Variants in DOK1 observed in about 807,000 individuals in gnomAD.
DOK1 encodes the protein docking protein 1.
Under a neutral mutation model 24.0 loss-of-function variants are expected in DOK1, and 12 were observed. The ratio of observed to expected loss-of-function variants is 0.50; its 90% CI spans 0.32 to 0.81. The LOEUF (loss-of-function observed/expected upper bound fraction) is 0.81. Among genes scored for constraint, DOK1 ranks in the 30% least tolerant of loss-of-function variants. DOK1 has a pLI of 0.03. For missense variants in DOK1, 591 were observed against 620.7 expected, an observed-to-expected ratio of 0.95 and a Z score of 0.51; for synonymous variants, 250 against 260.9, an observed-to-expected ratio of 0.96 and a Z score of 0.40.
In DOK1 at chr2:74,556,809, C is replaced by A. The variant is rs570246122; in HGVS notation, c.1141C>A (p.Arg381=). 1.9e-6 allele frequency: 3 copies of A among 1,614,146 alleles called. No individual in the cohort carries two copies. Among genetic ancestry groups the A allele is most frequent in the Non-Finnish European group, 2.5e-6 (3 of 1,180,030 alleles). The part of the protein sequence containing the change: ...VPPQGLYDLP[R]EPKDAWWCQA... ...TCCCCAGGGCCTTTATGATCTGCCT[C>A]GGGAGCCCAAGGATGCATGGTGGTG... Residue 381 remains arginine (R), a synonymous_variant, in exon 5 of 5, where the codon CGG becomes AGG. Transcript: ENST00000233668. The surrounding 1 kb of genome is among the most constrained non-coding windows in gnomAD (Gnocchi z 4.1).
Position 74,549,661 on chromosome 2 carries a change from T to C in DOK1, c.-358+489T>C. ...TCCCGCCGCCCTTAAGGAACCCTGC[T>C]TGGTGTGCCTGCTGTAAACCCAGTG... is the stretch of plus-strand genomic sequence containing the variant. On this transcript the variant is annotated intron_variant, in intron 1 of 4. Coordinates refer to the DOK1 transcript ENST00000409429. The surrounding 1 kb of genome is among the most constrained non-coding windows in gnomAD (Gnocchi z 5.3). 1.3e-6 allele frequency: 2 copies of C among 1,496,402 alleles called. No homozygotes were observed. The highest frequency in any genetic ancestry group is 9.0e-7 in the Non-Finnish European group (1 of 1,115,586). The allele number at this position is 1,496,402 out of a possible 1,614,324, so 92.7% of individuals were successfully genotyped here.
Position 74,555,867 on chromosome 2 carries a change from AGCT to A in DOK1, c.455-25_455-23del. The A allele has an allele frequency of 6.3e-7, 1 of 1,590,742 alleles. No homozygotes were observed. Among genetic ancestry groups the A allele is most frequent in the Non-Finnish European group, 8.6e-7 (1 of 1,166,962 alleles). ...ACTGCTGCCCCCGTCCCTCCCCCGCAGCTGTCTAATCGTGTATGCCTTCCAGGA... is the reference window on the plus strand; with the variant it reads ...ACTGCTGCCCCCGTCCCTCCCCCGCAGTCTAATCGTGTATGCCTTCCAGGA... On this transcript the variant is annotated intron_variant, in intron 3 of 4. Transcript: ENST00000233668. This position sits in a 1 kb window ranked among gnomAD's most constrained non-coding sequence, Gnocchi z 6.1.
In DOK1 at chr2:74,555,416, C is replaced by T. The variant is rs746582326; in HGVS notation, c.323C>T (p.Ala108Val). The change falls in exon 2 of 5, where the codon GCA (alanine) becomes GTA (valine). Residue 108 changes from alanine (A) to valine (V), a missense_variant. Physicochemically the swap from Ala to Val is moderately conservative, Grantham distance 64 (BLOSUM62 0). Coordinates refer to ENST00000233668, the MANE Select transcript of DOK1 (RefSeq NM_001381.5). This position sits in a 1 kb window ranked among gnomAD's most constrained non-coding sequence, Gnocchi z 6.1. ...HLLAADAPSS[A>V]AWVQTLCRNA... ...CTGGCGGCCGACGCGCCGTCCAGTGCAGCCTGGGTGCAGACGCTGTGCCGA... is the reference window on the plus strand; with the variant it reads ...CTGGCGGCCGACGCGCCGTCCAGTGTAGCCTGGGTGCAGACGCTGTGCCGA... 6.2e-7 allele frequency: 1 copy of T among 1,611,134 alleles called. No homozygotes were observed. The highest frequency in any genetic ancestry group is 1.3e-5 in the African/African-American group (1 of 75,038).
Position 74,557,216 on chromosome 2 carries a change from GC to G in DOK1, c.*104del. 8.1e-7 allele frequency: 1 copy of G among 1,237,700 alleles called. No homozygotes were observed. The highest frequency in any genetic ancestry group is 1.1e-6 in the Non-Finnish European group (1 of 900,884). The allele number at this position is 1,237,700 out of a possible 1,614,324, so 76.7% of individuals were successfully genotyped here. A position where few individuals can be genotyped will look rare whatever the true frequency, so the allele number is the denominator to read the frequency against. On this transcript the variant is annotated 3_prime_UTR_variant, in exon 5 of 5. Coordinates refer to ENST00000233668, the MANE Select transcript of DOK1 (RefSeq NM_001381.5). ...CAGCAGAAGCCAGAGGGTGGGAGGGGCCATGCTGTGTGAGACCAGGGGACCA... is the reference window on the plus strand; with the variant it reads ...CAGCAGAAGCCAGAGGGTGGGAGGGGCATGCTGTGTGAGACCAGGGGACCA...
upstream of DOK1, chr2:74,554,263 A>C (rs1677222350): frequency 6.4e-6 from 1 of 155,622 alleles, no homozygotes; most frequent in African/African-American, 2.4e-5. The surrounding 1 kb of genome is among the most constrained non-coding windows in gnomAD (Gnocchi z 4.9). Context: ...TGGTGGCGGG[A>C]AGCGGTTCAA....
Position 74,549,385 on chromosome 2 carries a change from T to C in DOK1, c.-358+213T>C, listed in dbSNP as rs1447301456. ...GCCCCTCACCTGTAGAAGGCCGCGT[T>C]GACCCTCTTTTCGCTGGGGAAGCCC... On this transcript the variant is annotated intron_variant, in intron 1 of 4. Transcript: ENST00000409429. This position sits in a 1 kb window ranked among gnomAD's most constrained non-coding sequence, Gnocchi z 5.3. 1 of 1,608,388 alleles carries C rather than the reference T, an allele frequency of 6.2e-7. No individual in the cohort carries two copies. Among genetic ancestry groups the C allele is most frequent in the South Asian group, 1.1e-5 (1 of 90,178 alleles).
chr2:74,554,861 T>G lies in DOK1; in HGVS notation c.60+47T>G. ...GAACCTTATCCGGGCTAGTAGTGGG[T>G]GAGAGAGCCCAGAAACAGGGAGAGG... On this transcript the variant is annotated intron_variant, in intron 1 of 4. Transcript: ENST00000233668. The surrounding 1 kb of genome is among the most constrained non-coding windows in gnomAD (Gnocchi z 4.9). 1.2e-6 allele frequency: 2 copies of G among 1,609,480 alleles called. No homozygotes were observed. The highest frequency in any genetic ancestry group is 1.3e-5 in the African/African-American group (1 of 74,868).
chr2:74,554,883 G>A lies in DOK1; in HGVS notation c.60+69G>A, dbSNP rs1573037786. 6.3e-7 allele frequency: 1 copy of A among 1,597,030 alleles called. No individual in the cohort carries two copies. The highest frequency in any genetic ancestry group is 8.5e-7 in the Non-Finnish European group (1 of 1,171,610). On this transcript the variant is annotated intron_variant, in intron 1 of 4. Coordinates refer to ENST00000233668, the MANE Select transcript of DOK1 (RefSeq NM_001381.5). This position sits in a 1 kb window ranked among gnomAD's most constrained non-coding sequence, Gnocchi z 4.9. ...GGGTGAGAGAGCCCAGAAACAGGGAGAGGTGGGCAGCGGGCTGGAGAGCGG... is the reference window on the plus strand; with the variant it reads ...GGGTGAGAGAGCCCAGAAACAGGGAAAGGTGGGCAGCGGGCTGGAGAGCGG...
chr2:74,549,919 T>C, upstream of DOK1: 3 of 985,406 alleles, frequency 3.0e-6, no homozygotes, highest in Non-Finnish European at 3.6e-6. This position sits in a 1 kb window ranked among gnomAD's most constrained non-coding sequence, Gnocchi z 5.3. Context: ...CAGGAACATT[T>C]GAGGAGAAGG....
chr2:74,550,349 C>T, upstream of DOK1: 1 of 1,612,764 alleles, frequency 6.2e-7, no homozygotes, highest in Non-Finnish European at 8.5e-7. Context: ...CAGATGCGGC[C>T]TGTGGAAGGG....
Position 74,556,289 on chromosome 2 carries a change from C to A in DOK1, c.640-19C>A. Reference sequence around the variant, plus strand: ...TCTGATGGCTCCTGGTAATGTGTTTCCCCCTCTACCCTCCTTAGGTCATGT... The same window carrying A: ...TCTGATGGCTCCTGGTAATGTGTTTACCCCTCTACCCTCCTTAGGTCATGT... On this transcript the variant is annotated intron_variant, in intron 4 of 4. Coordinates refer to ENST00000233668, the MANE Select transcript of DOK1 (RefSeq NM_001381.5). This position sits in a 1 kb window ranked among gnomAD's most constrained non-coding sequence, Gnocchi z 4.1. 6.2e-7 allele frequency: 1 copy of A among 1,601,926 alleles called. No individual in the cohort carries two copies.
upstream of DOK1, among the ~76,000 whole-genome samples, chr2:74,550,740 T>C (rs1558630675): frequency 6.6e-6 from 1 of 152,118 alleles, no homozygotes; most frequent in Non-Finnish European, 1.5e-5. Flanking sequence ...CTGTTTTATA[T>C]AAAGAAACTG....
Position 74,556,483 on chromosome 2 carries a change from G to A in DOK1, c.815G>A (p.Gly272Glu). ...HDVLRADSHE[G>E]EVAEGKLPSP... is the part of the protein sequence containing the mutation. ...GTTCTCAGAGCTGACTCCCATGAAG[G>A]GGAGGTGGCAGAGGGGAAGTTGCCT... The change falls in exon 5 of 5, where the codon GGG (glycine) becomes GAG (glutamate). Residue 272 changes from glycine (G) to glutamate (E), a missense_variant. Physicochemically the swap from Gly to Glu is moderately conservative, Grantham distance 98. Coordinates refer to ENST00000233668, the MANE Select transcript of DOK1 (RefSeq NM_001381.5). This position sits in a 1 kb window ranked among gnomAD's most constrained non-coding sequence, Gnocchi z 4.1. 1 of 1,614,202 alleles carries A rather than the reference G, an allele frequency of 6.2e-7. No individual in the cohort carries two copies. Among genetic ancestry groups the A allele is most frequent in the Non-Finnish European group, 8.5e-7 (1 of 1,180,024 alleles).
chr2:74,556,445 A>G lies in DOK1; in HGVS notation c.777A>G (p.Gly259=), dbSNP rs1558637327. Reference sequence around the variant, plus strand: ...GGCAGAAGGCCCAGGGAAAGGCCGGACAGGGGCACGATGTTCTCAGAGCTG... The same window carrying G: ...GGCAGAAGGCCCAGGGAAAGGCCGGGCAGGGGCACGATGTTCTCAGAGCTG... ...IHRQKAQGKA[G]QGHDVLRADS... Residue 259 remains glycine, a synonymous_variant, in exon 5 of 5, where the codon GGA becomes GGG. Transcript: ENST00000233668. The surrounding 1 kb of genome is among the most constrained non-coding windows in gnomAD (Gnocchi z 4.1). 1.3e-5 allele frequency: 21 copies of G among 1,614,062 alleles called. No individual in the cohort carries two copies. The highest frequency in any genetic ancestry group is 1.8e-5 in the Non-Finnish European group (21 of 1,180,040).
In DOK1 at chr2:74,556,133, G is replaced by T; in HGVS notation, c.639+55G>T. On this transcript the variant is annotated intron_variant, in intron 4 of 4. Coordinates refer to ENST00000233668, the MANE Select transcript of DOK1 (RefSeq NM_001381.5). This position sits in a 1 kb window ranked among gnomAD's most constrained non-coding sequence, Gnocchi z 4.1. Reference sequence around the variant, plus strand: ...GGTTGGGCAGCTGTGGGAGGGGTGGGGCAGGACAGAAAGTGGGAAGCTCTG... The same window carrying T: ...GGTTGGGCAGCTGTGGGAGGGGTGGTGCAGGACAGAAAGTGGGAAGCTCTG... 1 of 1,538,426 alleles carries T rather than the reference G, an allele frequency of 6.5e-7. No homozygotes were observed. Among genetic ancestry groups the T allele is most frequent in the Non-Finnish European group, 8.8e-7 (1 of 1,142,094 alleles).
chr2:74,550,617 C>T (rs75639230), upstream of DOK1, among the ~76,000 whole-genome samples: 729 of 152,318 alleles, frequency 4.8e-3, 3 homozygotes, highest in African/African-American at 0.016. Flanking sequence ...AAGTTCTGAT[C>T]AGTCTCTACC....
chr2:74,555,929 G>C lies in DOK1; in HGVS notation c.490G>C (p.Ala164Pro). 1 of 1,612,462 alleles carries C rather than the reference G, an allele frequency of 6.2e-7. No individual in the cohort carries two copies. ...CTGGGTAACGGTGCAGAGGACTGAG[G>C]CCGCCGAGCGCTGTGGCCTGCATGG... ...QFWVTVQRTE[A>P]AERCGLHGSY... Residue 164 changes from alanine to proline, a missense_variant, in exon 4 of 5, where the codon GCC becomes CCC. Physicochemically the swap from Ala to Pro is conservative, Grantham distance 27 (BLOSUM62 -1). Transcript: ENST00000233668. The surrounding 1 kb of genome is among the most constrained non-coding windows in gnomAD (Gnocchi z 6.1).
In DOK1 at chr2:74,556,949, C is replaced by A; in HGVS notation, c.1281C>A (p.Gly427=). The A allele has an allele frequency of 6.2e-7, 1 of 1,614,120 alleles. No individual in the cohort carries two copies. Among genetic ancestry groups the A allele is most frequent in the East Asian group, 2.2e-5 (1 of 44,880 alleles). ...CCCTCCTTGCTCCCAAGCCCCAGGG[C>A]CCAGCCTTCCCTGAACCTGGTACTG... ...TKPLLAPKPQ[G]PAFPEPGTAT... The change falls in exon 5 of 5, where the codon GGC becomes GGA. Residue 427 remains glycine, a synonymous_variant. Coordinates refer to ENST00000233668, the MANE Select transcript of DOK1 (RefSeq NM_001381.5). This position sits in a 1 kb window ranked among gnomAD's most constrained non-coding sequence, Gnocchi z 4.1.
In DOK1 at chr2:74,556,397, G is replaced by A; in HGVS notation, c.729G>A (p.Gln243=). 1 of 1,614,100 alleles carries A rather than the reference G, an allele frequency of 6.2e-7. No homozygotes were observed. Among genetic ancestry groups the A allele is most frequent in the East Asian group, 2.2e-5 (1 of 44,882 alleles). Residue 243 remains glutamine, a synonymous_variant, in exon 5 of 5, where the codon CAG becomes CAA. Transcript: ENST00000233668. This position sits in a 1 kb window ranked among gnomAD's most constrained non-coding sequence, Gnocchi z 4.1. ...FQTAQGNDIF[Q]AVETAIHRQK... is the part of the protein sequence containing the mutation. ...CGGCACAGGGAAATGACATCTTCCAGGCAGTTGAGACTGCCATCCACCGGC... is the reference window on the plus strand; with the variant it reads ...CGGCACAGGGAAATGACATCTTCCAAGCAGTTGAGACTGCCATCCACCGGC...
Sources: allele counts gnomAD v4.1 joint callset (sites outside exome capture counted in the v4.1 genomes callset), GRCh38; gene constraint gnomAD v4.1.1; non-coding constraint Gnocchi (gnomAD v3.1); transcripts MANE v1.5; gene names NCBI Gene and HGNC (gene_info 2026-07-23, HGNC 2026-07-21).